Variants in RASGEF1C observed in about 807,000 individuals in gnomAD.
The protein encoded by RASGEF1C is ras-GEF domain-containing family member 1C.
In RASGEF1C, 27 loss-of-function variants were observed where a neutral mutation model predicts 58.1. The observed-to-expected ratio is 0.46, with a 90% CI of 0.34 to 0.64. The LOEUF is 0.64. RASGEF1C is among the 30% of genes least tolerant of loss of function. The pLI is 0.01. For missense variants in RASGEF1C, 502 were observed against 605.1 expected (o/e 0.83, Z 1.79); for synonymous variants, 243 against 246.3 (o/e 0.99, Z 0.13).
At chr5:180,206,927 C>A (rs1237178502) in intron 1 of RASGEF1C, among the ~76,000 whole-genome samples, 1 of 152,142 alleles carries the variant, frequency 6.6e-6, no homozygotes, top group Admixed American at 6.5e-5. Context: ...AAATGGCTCC[C>A]AATGGTGTGG....
rs528281570 is a variant in RASGEF1C at position 180,141,772 on chromosome 5, C to T, written c.-6-3714G>A. 6.1e-5 allele frequency among the ~76,000 whole-genome samples: 9 copies of T among 148,256 alleles called. No individual in the cohort carries two copies. In the South Asian group the frequency reaches 6.4e-4, roughly 10 times the overall value. ...CTCACCAGGCTGGAGTGTAGTGGCA[C>T]GATCTTTGCTCACTGCAGTCTCCAC... is the stretch of plus-strand genomic sequence containing the variant. On this transcript the variant is annotated intron_variant, in intron 1 of 13. Transcript: ENST00000361132.
intron 1 of RASGEF1C, among the ~76,000 whole-genome samples, chr5:180,208,800 C>T: frequency 6.6e-6 from 1 of 152,054 alleles, no homozygotes; most frequent in Admixed American, 6.5e-5. Context: ...GGTCTCCCGC[C>T]AGGTGGCCGG....
At chr5:180,175,861 G>A (rs1450696298) in intron 1 of RASGEF1C, among the ~76,000 whole-genome samples, 3 of 152,120 alleles carry the variant, frequency 2.0e-5, no homozygotes, top group African/African-American at 4.8e-5. Flanking sequence ...AGTGGCGGGC[G>A]CCTGTAGTCC....
chr5:180,172,875 T>G (rs1453492357), intron 1 of RASGEF1C, among the ~76,000 whole-genome samples: 1 of 152,182 alleles, frequency 6.6e-6, no homozygotes, highest in African/African-American at 2.4e-5. Context: ...CTCCCTGTGC[T>G]CCCGCCTCCA....
intron 1 of RASGEF1C, among the ~76,000 whole-genome samples, chr5:180,190,362 C>G (rs575450902): frequency 4.6e-5 from 7 of 151,166 alleles, no homozygotes; most frequent in Admixed American, 1.3e-4. Flanking sequence ...TGGTGGCGGG[C>G]GCCTGTAGTC....
intron 12 of RASGEF1C, among the ~76,000 whole-genome samples, chr5:180,103,893 G>A (rs981509347): frequency 2.6e-5 from 4 of 152,198 alleles, no homozygotes; most frequent in African/African-American, 9.7e-5. Context: ...AATGCGTGTA[G>A]AAATTTGTCA....
intron 1 of RASGEF1C, among the ~76,000 whole-genome samples, chr5:180,173,703 A>C (rs1767153426): frequency 6.6e-6 from 1 of 152,138 alleles, no homozygotes. Context: ...TCACAAGGTC[A>C]GGAGTTTGAG....
chr5:180,121,637 T>TCA (rs762495633), intron 6 of RASGEF1C, among the ~76,000 whole-genome samples: 10,477 of 113,040 alleles, frequency 0.093, 420 homozygotes, highest in South Asian at 0.12. Context: ...AAATGTAACT[T>TCA]CACACACACA....
At position 180,118,753 on chromosome 5, in the gene RASGEF1C, C is replaced by T. The variant is rs564145629; in HGVS notation, c.987+34G>A. 178 of 1,614,032 alleles carry T rather than the reference C, an allele frequency of 1.1e-4. 1 individual carries two copies. In the South Asian group the frequency reaches 1.8e-3, roughly 16 times the overall value. ...TGGGCAGTTCTGTCCAGGGGATGGC[C>T]GGAGGCACCCGGCAGCCCAGCAGCC... On this transcript the variant is annotated intron_variant, in intron 9 of 13. Transcript: ENST00000361132.
intron 1 of RASGEF1C, among the ~76,000 whole-genome samples, chr5:180,184,393 G>A (rs1755990780): frequency 6.6e-6 from 1 of 152,024 alleles, no homozygotes; most frequent in Admixed American, 6.6e-5. Context: ...TGACCAACAT[G>A]GTGAAATCTT....
chr5:180,102,286 G>T lies in RASGEF1C; in HGVS notation c.1304-143C>A, dbSNP rs1033145659. ...GTGTCCATCCCTCCCCTAATACTGT[G>T]CTGTCTTAACGACAGTAGTTCTATA... On this transcript the variant is annotated intron_variant, in intron 12 of 13. Transcript: ENST00000361132. 6.7e-6 allele frequency: 4 copies of T among 596,470 alleles called. No homozygotes were observed. In the Admixed American group the frequency reaches 1.1e-4, roughly 17 times the overall value. 36.9% of individuals were successfully genotyped at this position (596,470 alleles called of 1,614,324 possible).
chr5:180,127,170 T>G (rs1264436119), intron 6 of RASGEF1C, among the ~76,000 whole-genome samples: 1 of 152,152 alleles, frequency 6.6e-6, no homozygotes, highest in Non-Finnish European at 1.5e-5. Context: ...GGAGTTCCCT[T>G]ACCCATCCCG....
rs961084819 is a variant in RASGEF1C at position 180,144,154 on chromosome 5, A to C, written c.-6-6096T>G. Reference sequence around the variant, plus strand: ...ACCTGCTAGGGCCAGACCACAACACAGGCAGCAACTGCTGTTAACCAAGGC... The same window carrying C: ...ACCTGCTAGGGCCAGACCACAACACCGGCAGCAACTGCTGTTAACCAAGGC... On this transcript the variant is annotated intron_variant, in intron 1 of 13. Coordinates refer to ENST00000361132, the MANE Select transcript of RASGEF1C (RefSeq NM_175062.4). 3.9e-5 allele frequency among the ~76,000 whole-genome samples: 6 copies of C among 152,324 alleles called. No homozygotes were observed. The South Asian group carries it at 8.3e-4, about 21-fold the overall frequency.
At chr5:180,161,828 C>T (rs1284292191) in intron 1 of RASGEF1C, among the ~76,000 whole-genome samples, 1 of 152,072 alleles carries the variant, frequency 6.6e-6, no homozygotes, top group African/African-American at 2.4e-5. Flanking sequence ...GGCGTCCCTC[C>T]ACATCACATC....
intron 6 of RASGEF1C, among the ~76,000 whole-genome samples, chr5:180,123,760 C>T (rs541212828): frequency 2.0e-5 from 3 of 152,028 alleles, no homozygotes; most frequent in East Asian, 3.9e-4. Flanking sequence ...ACAGAATCAA[C>T]AAAGTCAAAA....
At chr5:180,128,632 G>A (rs761872810) in intron 4 of RASGEF1C, 22 bp from the exon 5 acceptor site, 87 of 1,607,374 alleles carry the variant, frequency 5.4e-5, no homozygotes, top group South Asian at 1.9e-4. Flanking sequence ...AAAGAAGGGC[G>A]CTCAGGACTG....
chr5:180,111,123 C>T (rs1269419180), intron 12 of RASGEF1C, among the ~76,000 whole-genome samples: 1 of 152,076 alleles, frequency 6.6e-6, no homozygotes, highest in African/African-American at 2.4e-5. Context: ...GAGGGTGATT[C>T]TTATCATCAT....
At chr5:180,207,139 A>C (rs1234257289) in intron 1 of RASGEF1C, among the ~76,000 whole-genome samples, 2 of 152,166 alleles carry the variant, frequency 1.3e-5, no homozygotes, top group Non-Finnish European at 2.9e-5. Context: ...ACCACACAGC[A>C]CTCTGCCTGC....
chr5:180,190,257 G>C (rs1353905192), intron 1 of RASGEF1C, among the ~76,000 whole-genome samples: 3 of 151,990 alleles, frequency 2.0e-5, no homozygotes, highest in African/African-American at 7.2e-5. Flanking sequence ...GGAGGCCGAG[G>C]CAGGCGGATC....
Sources: gnomAD v4.1 joint callset for allele counts (sites outside exome capture counted in the v4.1 genomes callset) on GRCh38, gnomAD v4.1.1 for gene constraint, MANE v1.5 for transcripts, NCBI Gene and HGNC (gene_info 2026-07-23, HGNC 2026-07-21) for gene names.